POLR2B: variants seen among roughly 807,000 people sequenced by gnomAD.
POLR2B encodes RNA polymerase II subunit B.
POLR2B carries 57 observed loss-of-function variants against 144.6 expected under a neutral mutation model. The ratio of observed to expected loss-of-function variants is 0.39; its 90% confidence interval spans 0.32 to 0.49. POLR2B has a LOEUF of 0.49. Among genes scored for constraint, POLR2B ranks in the 20% least tolerant of loss-of-function variants. The pLI, the probability that POLR2B is intolerant of heterozygous loss-of-function variation, is 0.83. For missense variants in POLR2B, 595 were observed against 1,467.4 expected, an observed-to-expected ratio of 0.41 and a Z score of 9.71; for synonymous variants, 442 against 469.8, an observed-to-expected ratio of 0.94 and a Z score of 0.77.
intron 8 of POLR2B, 28 bp from the exon 9 acceptor site, chr4:57,005,570 CTT>C (rs754537317): frequency 4.0e-6 from 6 of 1,496,760 alleles, no homozygotes; most frequent in Admixed American, 2.5e-5. Flanking sequence ...TGTTTTCCCT[CTT>C]TCTTTCTTTC....
At chr4:56,995,132 G>T (rs1722638452) in intron 5 of POLR2B, 119 bp from the exon 6 acceptor site, 7 of 769,906 alleles carry the variant, frequency 9.1e-6, no homozygotes. Flanking sequence ...TAAAGTTGAA[G>T]AATTAAATAT....
At chr4:57,018,331 C>G (rs1326123895) in intron 16 of POLR2B, among the ~76,000 whole-genome samples, 3 of 151,940 alleles carry the variant, frequency 2.0e-5, no homozygotes, top group Admixed American at 1.3e-4. Context: ...GGGGTTTTTG[C>G]AGTAGTATAA....
rs1439563074 is a variant in POLR2B at position 56,999,790 on chromosome 4, A to G, written c.900+9A>G. 3.8e-6 allele frequency: 6 copies of G among 1,574,492 alleles called. No individual in the cohort carries two copies. The highest frequency in any genetic ancestry group is 5.2e-6 in the Non-Finnish European group (6 of 1,147,050). On this transcript the variant is annotated intron_variant, in intron 7 of 24. Coordinates refer to ENST00000314595, the MANE Select transcript of POLR2B (RefSeq NM_000938.3). The stretch of plus-strand genomic sequence containing the variant: ...CAGAGATGATGGAAATGGTAATGTG[A>G]AAGCAAAATGTATTCACAGAGCTTT...
chr4:56,989,084 A>T (rs945866286), intron 2 of POLR2B, among the ~76,000 whole-genome samples: 4 of 152,220 alleles, frequency 2.6e-5, no homozygotes, highest in African/African-American at 9.6e-5. Context: ...ATTAGTTAAT[A>T]TCACAAGTAA....
intron 7 of POLR2B, among the ~76,000 whole-genome samples, chr4:57,001,339 A>G (rs1009343026): frequency 2.0e-5 from 3 of 152,054 alleles, no homozygotes; most frequent in Non-Finnish European, 4.4e-5. Flanking sequence ...TTGTAGTTTT[A>G]GTAGAGACAG....
intron 7 of POLR2B, among the ~76,000 whole-genome samples, chr4:57,002,112 C>T (rs766358506): frequency 6.6e-6 from 1 of 152,138 alleles, no homozygotes; most frequent in Non-Finnish European, 1.5e-5. Flanking sequence ...ACTGCAACCT[C>T]GACTTCCCGG....
chr4:57,009,212 T>G (rs1051875514), intron 10 of POLR2B, among the ~76,000 whole-genome samples: 1 of 152,200 alleles, frequency 6.6e-6, no homozygotes, highest in Admixed American at 6.5e-5. Context: ...AAGAGAATAG[T>G]TCTTCCTGGT....
intron 1 of POLR2B, 133 bp downstream of exon 1, chr4:56,979,137 CAGGCCGGG>C: frequency 1.0e-6 from 1 of 953,502 alleles, no homozygotes; most frequent in Non-Finnish European, 1.7e-6. Flanking sequence ...CCACACTTAC[CAGGCCGGG>C]AACGAAACTG....
chr4:57,015,508 A>G lies in POLR2B; in HGVS notation c.1807A>G (p.Met603Val), dbSNP rs1455757803. 2 of 1,372,522 alleles carry G rather than the reference A, an allele frequency of 1.5e-6. No homozygotes were observed. Among genetic ancestry groups the G allele is most frequent in the Middle Eastern group, 1.9e-4 (1 of 5,164 alleles). 85.0% of individuals were successfully genotyped at this position (1,372,522 alleles called of 1,614,324 possible). The change falls in exon 14 of 25, where the codon ATG (methionine) becomes GTG (valine). Residue 603 changes from methionine to valine, a missense_variant. Physicochemically the swap from Met to Val is conservative, Grantham distance 21. Transcript: ENST00000314595. The stretch of plus-strand genomic sequence containing the variant: ...TTTTTCTTTTTATATGTAGGTTTCT[A>G]TGATCAGAGATATTCGAGAGAGGGA... ...QMDIIVSEVS[M>V]IRDIREREIR...
At chr4:56,981,453 T>A (rs1228667098) in intron 1 of POLR2B, among the ~76,000 whole-genome samples, 1 of 152,246 alleles carries the variant, frequency 6.6e-6, no homozygotes, top group Non-Finnish European at 1.5e-5. Context: ...TCAAATGATA[T>A]GCACGTTTAA....
intron 13 of POLR2B, among the ~76,000 whole-genome samples, chr4:57,013,712 T>G (rs1723273751): frequency 6.6e-6 from 1 of 152,124 alleles, no homozygotes; most frequent in Non-Finnish European, 1.5e-5. Context: ...GTTTTGTTCA[T>G]CACACAGTGT....
rs1349299460 is a variant in POLR2B at position 57,017,217 on chromosome 4, T to C, written c.2130T>C (p.Ile710=). Residue 710 remains isoleucine (I), a synonymous_variant, in exon 15 of 25, where the codon ATT becomes ATC. Coordinates refer to ENST00000314595, the MANE Select transcript of POLR2B (RefSeq NM_000938.3). The surrounding 1 kb of genome is among the most constrained non-coding windows in gnomAD (Gnocchi z 4.8). ...TGATCCTTGGTGTCTGTGCATCTATTATTCCCTTTCCTGATCATAACCAGG... is the reference window on the plus strand; with the variant it reads ...TGATCCTTGGTGTCTGTGCATCTATCATTCCCTTTCCTGATCATAACCAGG... The part of the protein sequence containing the change: ...PSMILGVCAS[I]IPFPDHNQSP... The C allele has an allele frequency of 1.2e-6, 2 of 1,612,438 alleles. No individual in the cohort carries two copies. Among genetic ancestry groups the C allele is most frequent in the African/African-American group, 2.7e-5 (2 of 74,992 alleles).
At chr4:56,988,146 G>A (rs938180759) in intron 2 of POLR2B, among the ~76,000 whole-genome samples, 2 of 152,042 alleles carry the variant, frequency 1.3e-5, no homozygotes, top group Admixed American at 6.6e-5. Context: ...GAGGATAGGA[G>A]CTCTGTTTCT....
chr4:57,016,386 A>T (rs118075355), intron 14 of POLR2B, among the ~76,000 whole-genome samples: 2,692 of 152,002 alleles, frequency 0.018, 155 homozygotes, highest in South Asian at 0.17. Flanking sequence ...CATCTCTCCA[A>T]AAAATAAAAA....
chr4:57,015,402 G>T, intron 13 of POLR2B, 100 bp from the exon 14 acceptor site: 3 of 553,488 alleles, frequency 5.4e-6, no homozygotes, highest in Non-Finnish European at 8.7e-6. Context: ...TAAATTGGTT[G>T]CTCCAGAAAT....
intron 2 of POLR2B, among the ~76,000 whole-genome samples, chr4:56,987,437 T>G (rs1329779302): frequency 6.6e-6 from 1 of 152,080 alleles, no homozygotes; most frequent in African/African-American, 2.4e-5. Context: ...TGACACCTGT[T>G]TTATATACAA....
chr4:57,010,666 A>C, intron 11 of POLR2B, 82 bp from the exon 12 acceptor site: 1 of 1,383,468 alleles, frequency 7.2e-7, no homozygotes, highest in Non-Finnish European at 9.9e-7. Context: ...TCTTGAAATC[A>C]CATTGAAGGA....
At chr4:57,009,126 A>G (rs1358198555) in intron 10 of POLR2B, among the ~76,000 whole-genome samples, 2 of 152,250 alleles carry the variant, frequency 1.3e-5, no homozygotes, top group African/African-American at 4.8e-5. Flanking sequence ...TAAATTTTGG[A>G]AATATTTAGG....
intron 4 of POLR2B, 21 bp downstream of exon 4, chr4:56,994,537 G>T (rs762078653): frequency 3.4e-6 from 5 of 1,487,932 alleles, no homozygotes; most frequent in Admixed American, 1.7e-5. Context: ...ATTTTTCCTT[G>T]TCAGCAGTAG....
Sources: gnomAD v4.1 joint callset for allele counts (sites outside exome capture counted in the v4.1 genomes callset) on GRCh38, gnomAD v4.1.1 for gene constraint, Gnocchi (gnomAD v3.1) non-coding constraint, MANE v1.5 for transcripts, NCBI Gene and HGNC (gene_info 2026-07-23, HGNC 2026-07-21) for gene names.